Variants in MLH3 observed in about 807,000 individuals in gnomAD.
The protein encoded by MLH3 is DNA mismatch repair protein Mlh3.
A neutral mutation model predicts 122.2 loss-of-function variants in MLH3; 82 were observed. The ratio of observed to expected loss-of-function variants is 0.67; its 90% confidence interval spans 0.56 to 0.81. The LOEUF is 0.81. Ranked by LOEUF, MLH3 falls within the 30% of genes least tolerant of loss-of-function variation. The pLI, the probability that MLH3 is intolerant of heterozygous loss-of-function variation, is 0.00. For synonymous variants in MLH3, 524 were observed against 599.5 expected (o/e 0.87, Z 1.84); for missense variants, 1,539 against 1,714.5 (o/e 0.90, Z 1.81).
intron 4 of MLH3, among the ~76,000 whole-genome samples, chr14:75,040,476 A>AAAAAAAAAAAC (rs1891771548): frequency 6.7e-6 from 1 of 149,944 alleles, no homozygotes; most frequent in Non-Finnish European, 1.5e-5. Flanking sequence ...AAAAAAAAAA[A>AAAAAAAAAAAC]AAAAAAAATT....
At chr14:75,041,941 T>C (rs1891884420) in intron 3 of MLH3, among the ~76,000 whole-genome samples, 1 of 152,248 alleles carries the variant, frequency 6.6e-6, no homozygotes, top group Non-Finnish European at 1.5e-5. Flanking sequence ...AAAAGAGATA[T>C]TGTGGAATAC....
rs1889924899 is a variant in MLH3, at chr14:75,017,001, C to T, written c.*81G>A. 5 of 1,556,114 alleles carry T rather than the reference C, an allele frequency of 3.2e-6. No individual in the cohort carries two copies. Among genetic ancestry groups the T allele is most frequent in the African/African-American group, 2.7e-5 (2 of 73,688 alleles). Reference sequence around the variant, plus strand: ...CTGGGCTGATTCAGTCAGGGCCGTGCTGGTACCTGCTGCTGCTGCTCTCTG... The same window carrying T: ...CTGGGCTGATTCAGTCAGGGCCGTGTTGGTACCTGCTGCTGCTGCTCTCTG... On this transcript the variant is annotated 3_prime_UTR_variant, in exon 13 of 13. Coordinates refer to ENST00000355774, the MANE Select transcript of MLH3 (RefSeq NM_001040108.2).
chr14:75,046,525 C>T lies in MLH3; in HGVS notation c.3131G>A (p.Trp1044Ter). 6.2e-7 allele frequency: 1 copy of T among 1,614,182 alleles called. No individual in the cohort carries two copies. Among genetic ancestry groups the T allele is most frequent in the Non-Finnish European group, 8.5e-7 (1 of 1,180,034 alleles). The change falls in exon 2 of 13, where the codon TGG (tryptophan) becomes TAG (stop). Residue 1044 changes from tryptophan to a stop codon, truncating the protein, a stop_gained. Coordinates refer to ENST00000355774, the MANE Select transcript of MLH3 (RefSeq NM_001040108.2). LOFTEE classifies it high-confidence loss of function. The stretch of plus-strand genomic sequence containing the variant: ...CAGGGCTACATCGAAATGCCGCTGC[C>T]AATCTGAACAACACGTGTTTGACTC... ...TEESNTCCSD[W>*]QRHFDVALGR...
chr14:75,025,227 A>G (rs1286945752), intron 9 of MLH3, among the ~76,000 whole-genome samples: 1 of 152,186 alleles, frequency 6.6e-6, no homozygotes, highest in Non-Finnish European at 1.5e-5. Context: ...GTGTGTAGCC[A>G]AAGTTCCTGA....
In MLH3 at chr14:75,042,415, G is replaced by A. The variant is rs749297558; in HGVS notation, c.3343C>T (p.Arg1115Ter). The part of the protein sequence containing the change: ...DLVLPFLPRA[R>*]AERTVMRQDN... ...TGTCTCATCACAGTCCTCTCTGCTC[G>A]AGCTCTCGGAAGGAAAGGAAGAACA... Residue 1115 changes from arginine to a stop codon, truncating the protein, a stop_gained, in exon 3 of 13, where the codon CGA becomes TGA. Coordinates refer to ENST00000355774, the MANE Select transcript of MLH3 (RefSeq NM_001040108.2). LOFTEE classifies it high-confidence loss of function. 8 of 1,614,096 alleles carry A rather than the reference G, an allele frequency of 5.0e-6. No individual in the cohort carries two copies. The highest frequency in any genetic ancestry group is 1.1e-5 in the South Asian group (1 of 91,062).
rs1890596917 is a variant in MLH3, at chr14:75,025,880, G to C, written c.3988-2862C>G. Among the ~76,000 whole-genome samples the C allele has an allele frequency of 2.6e-5, 4 of 152,174 alleles. No individual in the cohort carries two copies. The South Asian group carries it at 8.3e-4, about 32-fold the overall frequency. On this transcript the variant is annotated intron_variant, in intron 9 of 12. Coordinates refer to ENST00000355774, the MANE Select transcript of MLH3 (RefSeq NM_001040108.2). ...TGTCAATGGCACCACCATCCTTCCA[G>C]CCATCCATGCTACAACCCTCAGAAT...
chr14:75,027,337 G>T (rs192386287), intron 9 of MLH3, among the ~76,000 whole-genome samples: 79 of 150,316 alleles, frequency 5.3e-4, no homozygotes, highest in Admixed American at 1.2e-3. Context: ...TCAGCTCATT[G>T]CAACTTCCGC....
chr14:75,022,303 T>C, intron 11 of MLH3, among the ~76,000 whole-genome samples: 1 of 152,212 alleles, frequency 6.6e-6, no homozygotes, highest in East Asian at 1.9e-4. Flanking sequence ...ATGTACCCCC[T>C]GAACCTAAAA....
At position 75,047,391 on chromosome 14, in the gene MLH3, C is replaced by T. The variant is rs774928219; in HGVS notation, c.2265G>A (p.Glu755=). The change falls in exon 2 of 13, where the codon GAG becomes GAA. Residue 755 remains glutamate (E), a synonymous_variant. Coordinates refer to ENST00000355774, the MANE Select transcript of MLH3 (RefSeq NM_001040108.2). The stretch of plus-strand genomic sequence containing the variant: ...CCTTCCCATATTGCCTCTTAAACTT[C>T]TCTAAAGATCCTAGCTGTGAACTCA... The part of the protein sequence containing the change: ...LSLSSQLGSL[E]KFKRQYGKVE... 1.9e-6 allele frequency: 3 copies of T among 1,613,974 alleles called. No homozygotes were observed. Among genetic ancestry groups the T allele is most frequent in the Non-Finnish European group, 2.5e-6 (3 of 1,180,004 alleles).
chr14:75,048,735 T>C lies in MLH3; in HGVS notation c.921A>G (p.Val307=), dbSNP rs779568885. 6.2e-7 allele frequency: 1 copy of C among 1,613,996 alleles called. No homozygotes were observed. The highest frequency in any genetic ancestry group is 1.3e-5 in the African/African-American group (1 of 74,932). Reference sequence around the variant, plus strand: ...CACAGAATTGGCACTGCACATTAATTACATATATGCCATAGAGTTCTGGGG... The same window carrying C: ...CACAGAATTGGCACTGCACATTAATCACATATATGCCATAGAGTTCTGGGG... ...RSTPELYGIY[V]INVQCQFCEY... The change falls in exon 2 of 13, where the codon GTA becomes GTG. Residue 307 remains valine, a synonymous_variant. Transcript: ENST00000355774.
intron 2 of MLH3, 58 bp downstream of exon 2, chr14:75,046,318 C>T (rs1482027660): frequency 6.5e-7 from 1 of 1,549,286 alleles, no homozygotes; most frequent in South Asian, 1.1e-5. Flanking sequence ...GATCTTACTC[C>T]TTGTCCAGCA....
At position 75,046,554 on chromosome 14, in the gene MLH3, A is replaced by G. The variant is rs1032607766; in HGVS notation, c.3102T>C (p.Thr1034=). The G allele has an allele frequency of 6.2e-7, 1 of 1,614,180 alleles. No homozygotes were observed. The highest frequency in any genetic ancestry group is 1.3e-5 in the African/African-American group (1 of 75,042). Reference sequence around the variant, plus strand: ...CTGAACAACACGTGTTTGACTCTTCAGTTTCAGAACAAGCTCTTGCTTTAG... The same window carrying G: ...CTGAACAACACGTGTTTGACTCTTCGGTTTCAGAACAAGCTCTTGCTTTAG... ...EESKARACSE[T]EESNTCCSDW... The change falls in exon 2 of 13, where the codon ACT becomes ACC. Residue 1034 remains threonine (T), a synonymous_variant. Coordinates refer to ENST00000355774, the MANE Select transcript of MLH3 (RefSeq NM_001040108.2).
chr14:75,030,451 G>A, intron 9 of MLH3, 92 bp downstream of exon 9: 1 of 1,294,940 alleles, frequency 7.7e-7, no homozygotes, highest in Non-Finnish European at 1.1e-6. Flanking sequence ...ATGAATACTT[G>A]TTGAAGAAAA....
chr14:75,033,621 A>G (rs552481869), intron 6 of MLH3, 131 bp from the exon 7 acceptor site: 2 of 714,320 alleles, frequency 2.8e-6, no homozygotes, highest in South Asian at 1.5e-5. Context: ...AGGAGTAACA[A>G]TTGTATCTTT....
At chr14:75,039,045 G>A (rs9323606) in intron 5 of MLH3, among the ~76,000 whole-genome samples, 179 of 152,176 alleles carry the variant, frequency 1.2e-3, no homozygotes, top group African/African-American at 4.0e-3. Context: ...TTTTAGTAGA[G>A]ACGGGGTTTC....
intron 1 of MLH3, chr14:75,050,722 T>G (rs1032047560): frequency 3.1e-4 from 47 of 152,234 alleles, no homozygotes; most frequent in African/African-American, 1.1e-3. Flanking sequence ...TTAATATTCT[T>G]TTGGTCTTTA....
intron 1 of MLH3, among the ~76,000 whole-genome samples, 182 bp from the exon 2 acceptor site, chr14:75,049,900 T>C (rs952910485): frequency 6.6e-6 from 1 of 152,100 alleles, no homozygotes; most frequent in Non-Finnish European, 1.5e-5. Context: ...TGGATTAACA[T>C]CCAAAAAAAA....
intron 11 of MLH3, among the ~76,000 whole-genome samples, chr14:75,021,893 A>G (rs1890301040): frequency 6.6e-6 from 1 of 152,250 alleles, no homozygotes; most frequent in South Asian, 2.1e-4. Context: ...TGCTCACTGC[A>G]GCACTATTTA....
chr14:75,038,654 G>A (rs778743000), intron 5 of MLH3, among the ~76,000 whole-genome samples: 1 of 152,074 alleles, frequency 6.6e-6, no homozygotes, highest in Non-Finnish European at 1.5e-5. Context: ...AGACTCCCAC[G>A]TCTCAGAGTG....
Sources: allele counts gnomAD v4.1 joint callset (sites outside exome capture counted in the v4.1 genomes callset), GRCh38; gene constraint gnomAD v4.1.1; transcripts MANE v1.5; gene names NCBI Gene and HGNC (gene_info 2026-07-23, HGNC 2026-07-21).